NCKAP5: variants seen among roughly 807,000 people sequenced by gnomAD.
NCKAP5 encodes the protein NCK associated protein 5, also known as nck-associated protein 5.
NCKAP5 carries 92 observed loss-of-function variants against 167.0 expected under a neutral mutation model. That is an observed-to-expected ratio of 0.55 (90% CI 0.47 to 0.66). The LOEUF is 0.66. Among genes scored for constraint, NCKAP5 ranks in the 30% least tolerant of loss-of-function variants. The pLI is 0.00. For synonymous variants in NCKAP5, 891 were observed against 877.4 expected (o/e 1.02, Z -0.27); for missense variants, 2,378 against 2,315.0 (o/e 1.03, Z -0.56).
intron 9 of NCKAP5, among the ~76,000 whole-genome samples, chr2:132,872,474 A>T (rs985337950): frequency 1.5e-4 from 23 of 152,168 alleles, no homozygotes; most frequent in African/African-American, 4.8e-4. Context: ...GGAGTTCTCT[A>T]TTATTTTATT....
At chr2:133,536,812 A>G (rs116627564) in intron 2 of NCKAP5, among the ~76,000 whole-genome samples, 1,863 of 150,858 alleles carry the variant, frequency 0.012, 48 homozygotes, top group African/African-American at 0.043. Flanking sequence ...TTTAAATTTT[A>G]CTGATGTCCA....
intron 6 of NCKAP5, among the ~76,000 whole-genome samples, chr2:133,044,783 C>T (rs762594850): frequency 3.9e-5 from 6 of 152,092 alleles, no homozygotes; most frequent in Non-Finnish European, 7.4e-5. Flanking sequence ...CAAGACAGTT[C>T]TTCGGACCAG....
the NCKAP5 span, among the ~76,000 whole-genome samples, chr2:133,583,707 A>G: frequency 0.045 from 6,852 of 152,276 alleles, 531 homozygotes; most frequent in African/African-American, 0.16. Context: ...AAGTTATTAA[A>G]TAGTAGTCGT....
chr2:133,065,811 G>A (rs543797819), intron 6 of NCKAP5, among the ~76,000 whole-genome samples: 200 of 152,266 alleles, frequency 1.3e-3, no homozygotes, highest in Non-Finnish European at 2.5e-3. Context: ...CGGTAGTAGA[G>A]TCTTGTCTGG....
At position 133,303,078 on chromosome 2, in the gene NCKAP5, A is replaced by T. The variant is rs771094434; in HGVS notation, c.102T>A (p.His34Gln). The change falls in exon 4 of 20, where the codon CAT becomes CAA. Residue 34 changes from histidine (H) to glutamine (Q), a missense_variant. Physicochemically the swap from His to Gln is conservative, Grantham distance 24 (BLOSUM62 0). Coordinates refer to ENST00000409261, the MANE Select transcript of NCKAP5 (RefSeq NM_207363.3). ...GTTGCTCCTCAAGCTGAGTCAGCAG[A>T]TGCTCAATGTATTTATTGGAGTCCA... ...EYMDSNKYIE[H>Q]LLTQLEEQHR... 1 of 1,597,432 alleles carries T rather than the reference A, an allele frequency of 6.3e-7. No individual in the cohort carries two copies. Among genetic ancestry groups the T allele is most frequent in the East Asian group, 2.2e-5 (1 of 44,472 alleles).
chr2:133,049,736 C>T (rs2149481633), intron 6 of NCKAP5, among the ~76,000 whole-genome samples: 1 of 152,204 alleles, frequency 6.6e-6, no homozygotes, highest in East Asian at 1.9e-4. Context: ...TCATCTCCGT[C>T]ACCAAGACGT....
intron 16 of NCKAP5, among the ~76,000 whole-genome samples, chr2:132,749,944 C>T (rs577014167): frequency 3.1e-4 from 47 of 152,284 alleles, no homozygotes; most frequent in Non-Finnish European, 5.7e-4. Context: ...GCCTCACCAC[C>T]TTTTATCCTC....
At chr2:132,945,936 A>G (rs1697687511) in intron 8 of NCKAP5, among the ~76,000 whole-genome samples, 1 of 152,224 alleles carries the variant, frequency 6.6e-6, no homozygotes, top group Admixed American at 6.5e-5. Context: ...GATGTCCAGC[A>G]TCAAAACAGT....
chr2:132,790,034 G>T lies in NCKAP5; in HGVS notation c.1081C>A (p.Leu361Ile). ...CCACAGTGCCTTACCCTTTTCCTGA[G>T]GTTCTTCCCATCGTGCCACGTGTAG... The part of the protein sequence containing the change: ...SSYTWHDGKN[L>I]RKRQSSQNWD... Residue 361 changes from leucine to isoleucine, a missense_variant, in exon 13 of 20, where the codon CTC becomes ATC. Around this residue, in one of 3 missense-constraint regions of NCKAP5, gnomAD observed 1,049 missense variants for 1,023.4 expected, o/e 1.02. Coordinates refer to ENST00000409261, the MANE Select transcript of NCKAP5 (RefSeq NM_207363.3). 1 of 1,612,358 alleles carries T rather than the reference G, an allele frequency of 6.2e-7. No homozygotes were observed. The highest frequency in any genetic ancestry group is 8.5e-7 in the Non-Finnish European group (1 of 1,179,132).
chr2:133,042,194 C>A lies in NCKAP5; in HGVS notation c.342-47955G>T, dbSNP rs372961571. On this transcript the variant is annotated intron_variant, in intron 6 of 19. Transcript: ENST00000409261. ...AACTTTATGCTAAGCTGTTTTTCCA[C>A]CAATTTCCAAGTTTCTATATATATT... Among the ~76,000 whole-genome samples the A allele has an allele frequency of 2.6e-5, 4 of 152,102 alleles. No homozygotes were observed. In the East Asian group the frequency reaches 7.7e-4, roughly 29 times the overall value.
chr2:133,661,989 T>C, the NCKAP5 span, among the ~76,000 whole-genome samples: 10 of 151,758 alleles, frequency 6.6e-5, no homozygotes, highest in Non-Finnish European at 1.3e-4. Flanking sequence ...AAAAAAAAAA[T>C]GTGGGTTCAG....
chr2:133,538,919 TG>T lies in NCKAP5; in HGVS notation c.-62+20130del, dbSNP rs1397572802. ...CTAGTTTTTTTTTGGTTTTTTTTTG[TG>T]GTTTTTTTGGGTTTTTTTTTTTTTT... is the stretch of plus-strand genomic sequence containing the variant. On this transcript the variant is annotated intron_variant, in intron 2 of 19. Coordinates refer to ENST00000409261, the MANE Select transcript of NCKAP5 (RefSeq NM_207363.3). 8.7e-4 allele frequency among the ~76,000 whole-genome samples: 121 copies of T among 139,232 alleles called. 1 individual carries two copies. Among genetic ancestry groups the T allele is most frequent in the East Asian group, 2.4e-3 (11 of 4,588 alleles). 91.3% of individuals were successfully genotyped at this position (139,232 alleles called of 152,430 possible).
rs1198403635 is a variant in NCKAP5 at position 132,844,242 on chromosome 2, T to C, written c.807+16250A>G. On this transcript the variant is annotated intron_variant, in intron 11 of 19. Transcript: ENST00000409261. The stretch of plus-strand genomic sequence containing the variant: ...TTTCTCAATATTTATAAACTTTTCC[T>C]ACCCTTGATATTATCTTGATTTGCT... Among the ~76,000 whole-genome samples the C allele has an allele frequency of 2.0e-5, 3 of 152,270 alleles. No individual in the cohort carries two copies. In the South Asian group the frequency reaches 6.2e-4, roughly 32 times the overall value.
chr2:132,899,725 A>T (rs1693472182), intron 8 of NCKAP5, among the ~76,000 whole-genome samples: 1 of 152,102 alleles, frequency 6.6e-6, no homozygotes, highest in African/African-American at 2.4e-5. Flanking sequence ...AAATACAAAA[A>T]ATTAAGCATT....
intron 19 of NCKAP5, among the ~76,000 whole-genome samples, chr2:132,685,597 T>C (rs1247760523): frequency 6.6e-6 from 1 of 152,118 alleles, no homozygotes; most frequent in East Asian, 1.9e-4. Flanking sequence ...AGAAAAAACA[T>C]GGTTCTGCTT....
At chr2:133,477,063 C>T (rs999926582) in intron 3 of NCKAP5, among the ~76,000 whole-genome samples, 1 of 152,168 alleles carries the variant, frequency 6.6e-6, no homozygotes, top group Admixed American at 6.5e-5. Context: ...ATACTTTCTC[C>T]AAAAGCACTA....
upstream of NCKAP5, among the ~76,000 whole-genome samples, chr2:133,570,562 GA>G (rs1688827945): frequency 6.6e-6 from 1 of 152,146 alleles, no homozygotes; most frequent in Admixed American, 6.5e-5. Context: ...TATATTTGAG[GA>G]CTGATTTAAA....
intron 3 of NCKAP5, among the ~76,000 whole-genome samples, chr2:133,344,643 G>C (rs1683838419): frequency 6.6e-6 from 1 of 152,106 alleles, no homozygotes; most frequent in African/African-American, 2.4e-5. Flanking sequence ...GAAATGCTTA[G>C]ATTTGGGATA....
chr2:133,179,737 C>T (rs928155935), intron 5 of NCKAP5, among the ~76,000 whole-genome samples: 1 of 151,964 alleles, frequency 6.6e-6, no homozygotes, highest in South Asian at 2.1e-4. Context: ...TGGGCTCAAT[C>T]GTAGCATGGA....
Sources: allele counts gnomAD v4.1 joint callset (sites outside exome capture counted in the v4.1 genomes callset), GRCh38; gene constraint gnomAD v4.1.1; regional missense constraint gnomAD v4.1.1; transcripts MANE v1.5; gene names NCBI Gene and HGNC (gene_info 2026-07-23, HGNC 2026-07-21).